Variants in ZCCHC24 observed in about 807,000 individuals in gnomAD.
ZCCHC24 encodes zinc finger CCHC domain-containing protein 24.
Under a neutral mutation model 26.2 loss-of-function variants are expected in ZCCHC24, and 10 were observed. That is an observed-to-expected ratio of 0.38 (90% CI 0.24 to 0.65). ZCCHC24 has a LOEUF of 0.65. ZCCHC24 is among the 30% of genes least tolerant of loss of function. The pLI is 0.54. For missense variants in ZCCHC24, 243 were observed against 329.1 expected (o/e 0.74, Z 2.03); for synonymous variants, 144 against 147.1 (o/e 0.98, Z 0.15).
At chr10:79,389,839 C>T (rs1224664787) in intron 3 of ZCCHC24, among the ~76,000 whole-genome samples, 1 of 152,052 alleles carries the variant, frequency 6.6e-6, no homozygotes, top group African/African-American at 2.4e-5. Flanking sequence ...TGGTCTTGAG[C>T]TCCTGACCTC....
intron 1 of ZCCHC24, among the ~76,000 whole-genome samples, chr10:79,441,312 A>C (rs1857289283): frequency 6.6e-6 from 1 of 152,044 alleles, no homozygotes. Flanking sequence ...TTAAAGGAGG[A>C]CACTGTATGT....
chr10:79,412,205 GC>G (rs1330924620), intron 2 of ZCCHC24, among the ~76,000 whole-genome samples: 8 of 152,246 alleles, frequency 5.3e-5, no homozygotes, highest in Non-Finnish European at 1.0e-4. Context: ...GGCATGACCT[GC>G]CAACTCCGTT....
intron 2 of ZCCHC24, among the ~76,000 whole-genome samples, chr10:79,418,138 C>T (rs1589670577): frequency 6.6e-6 from 1 of 152,228 alleles, no homozygotes; most frequent in East Asian, 1.9e-4. Flanking sequence ...TAAACACCCT[C>T]GCTCGCACAC....
intron 1 of ZCCHC24, among the ~76,000 whole-genome samples, chr10:79,442,146 G>A (rs771244267): frequency 5.9e-5 from 9 of 152,164 alleles, no homozygotes; most frequent in African/African-American, 1.7e-4. Context: ...AAAATGTATC[G>A]TTGTTGCCGT....
intron 2 of ZCCHC24, among the ~76,000 whole-genome samples, chr10:79,417,065 A>G (rs753811063): frequency 1.3e-5 from 2 of 152,228 alleles, no homozygotes; most frequent in Non-Finnish European, 2.9e-5. Flanking sequence ...TGCTGCGCTA[A>G]GTGATTTTCT....
chr10:79,386,358 C>T lies in ZCCHC24; in HGVS notation c.713G>A (p.Arg238His), dbSNP rs1451320763. 2.5e-6 allele frequency: 4 copies of T among 1,613,226 alleles called. No individual in the cohort carries two copies. Among genetic ancestry groups the T allele is most frequent in the Non-Finnish European group, 2.5e-6 (3 of 1,179,834 alleles). ...GCGGGCAGCCCGTCACTGCACGCGACGGCAGTAGTAGCCCAGGACCTTGCA... is the reference window on the plus strand; with the variant it reads ...GCGGGCAGCCCGTCACTGCACGCGATGGCAGTAGTAGCCCAGGACCTTGCA... Reference protein sequence around the residue: ...EKCKVLGYYCRRVQ With the variant: ...EKCKVLGYYCHRVQ The change falls in exon 4 of 4, where the codon CGT (arginine) becomes CAT (histidine). Residue 238 changes from arginine (R) to histidine (H), a missense_variant. Arg to His is a conservative substitution (Grantham distance 29, BLOSUM62 0). Around this residue, in one of 2 missense-constraint regions of ZCCHC24, gnomAD observed 96 missense variants for 178.3 expected, o/e 0.54. Transcript: ENST00000372336.
intron 1 of ZCCHC24, chr10:79,444,131 C>A: frequency 6.5e-7 from 1 of 1,546,030 alleles, no homozygotes; most frequent in Non-Finnish European, 8.7e-7. Flanking sequence ...AGGAAAGTGA[C>A]CCCCATGTGT....
Position 79,417,275 on chromosome 10 carries a change from G to C in ZCCHC24, c.447+15283C>G, listed in dbSNP as rs532890107. Reference sequence around the variant, plus strand: ...GCAGAGGAGCATGGGCCCCTGTTGGGTTTTACCCCTTGTCATCATGCCTAC... The same window carrying C: ...GCAGAGGAGCATGGGCCCCTGTTGGCTTTTACCCCTTGTCATCATGCCTAC... On this transcript the variant is annotated intron_variant, in intron 2 of 3. Transcript: ENST00000372336. Among the ~76,000 whole-genome samples the C allele has an allele frequency of 5.8e-5, 6 of 104,056 alleles. 3 individuals carry two copies. In the East Asian group the frequency reaches 1.5e-3, roughly 26 times the overall value. The allele number at this position is 104,056 out of a possible 152,430, so 68.3% of individuals were successfully genotyped here.
At chr10:79,430,686 C>CCACACACACACA (rs71030975) in intron 2 of ZCCHC24, among the ~76,000 whole-genome samples, 14 of 140,616 alleles carry the variant, frequency 1.0e-4, no homozygotes, top group South Asian at 2.4e-4. Flanking sequence ...CACACACACA[C>CCACACACACACA]CACACACACA....
At chr10:79,426,687 GA>G (rs1237217502) in intron 2 of ZCCHC24, among the ~76,000 whole-genome samples, 2 of 151,480 alleles carry the variant, frequency 1.3e-5, no homozygotes, top group African/African-American at 2.4e-5. Flanking sequence ...AAAACATAGT[GA>G]AAAAAAATCA....
At chr10:79,444,524 TTTCCTTCG>T (rs1857334396) in intron 1 of ZCCHC24, among the ~76,000 whole-genome samples, 1 of 150,864 alleles carries the variant, frequency 6.6e-6, no homozygotes, top group African/African-American at 2.4e-5. Context: ...TTCCCTTTCA[TTTCCTTCG>T]AGGCTGGGAG....
intron 2 of ZCCHC24, among the ~76,000 whole-genome samples, chr10:79,396,088 T>C (rs1488922270): frequency 6.6e-6 from 1 of 152,084 alleles, no homozygotes; most frequent in East Asian, 1.9e-4. Flanking sequence ...AGGTATTTAA[T>C]ATAAGTAGAA....
chr10:79,400,489 G>A (rs1483389131), intron 2 of ZCCHC24, among the ~76,000 whole-genome samples: 1 of 152,238 alleles, frequency 6.6e-6, no homozygotes, highest in African/African-American at 2.4e-5. Flanking sequence ...ACAAGAACAG[G>A]ACTGGCAGGA....
intron 2 of ZCCHC24, among the ~76,000 whole-genome samples, chr10:79,425,241 T>C (rs1311704693): frequency 6.6e-6 from 1 of 152,204 alleles, no homozygotes; most frequent in Admixed American, 6.5e-5. Flanking sequence ...CAGGCGACCC[T>C]GCAGGCAGGC....
chr10:79,403,509 C>T, intron 2 of ZCCHC24: 1 of 985,454 alleles, frequency 1.0e-6, no homozygotes. Flanking sequence ...CACGGAGGCC[C>T]CGGAGGAAGC....
intron 2 of ZCCHC24, among the ~76,000 whole-genome samples, chr10:79,404,695 C>T (rs559714781): frequency 6.6e-5 from 10 of 152,304 alleles, no homozygotes; most frequent in Admixed American, 1.3e-4. Context: ...CTGCAGTCAC[C>T]GCCTGAGTTG....
At chr10:79,413,282 AC>A (rs1856815406) in intron 2 of ZCCHC24, among the ~76,000 whole-genome samples, 1 of 152,164 alleles carries the variant, frequency 6.6e-6, no homozygotes, top group African/African-American at 2.4e-5. Flanking sequence ...AGGTGGAGAG[AC>A]TTTTTCAAGG....
chr10:79,394,370 G>A lies in ZCCHC24; in HGVS notation c.518C>T (p.Pro173Leu), dbSNP rs190920051. 23 of 1,614,200 alleles carry A rather than the reference G, an allele frequency of 1.4e-5. No homozygotes were observed. In the East Asian group the frequency reaches 5.1e-4, roughly 36 times the overall value. Reference protein sequence around the residue: ...KKRCFGEYKCPKCKRKWMSGN... With the variant: ...KKRCFGEYKCLKCKRKWMSGN... ...GCTCATCCATTTTCTCTTGCACTTGGGACACTTGTACTCGCCGAAGCAGCG... is the reference window on the plus strand; with the variant it reads ...GCTCATCCATTTTCTCTTGCACTTGAGACACTTGTACTCGCCGAAGCAGCG... The change falls in exon 3 of 4, where the codon CCC becomes CTC. Residue 173 changes from proline (P) to leucine (L), a missense_variant. Around this residue, in one of 2 missense-constraint regions of ZCCHC24, gnomAD observed 96 missense variants for 178.3 expected, o/e 0.54. Coordinates refer to ENST00000372336, the MANE Select transcript of ZCCHC24 (RefSeq NM_153367.4).
At chr10:79,419,246 T>C (rs969213605) in intron 2 of ZCCHC24, among the ~76,000 whole-genome samples, 5 of 152,156 alleles carry the variant, frequency 3.3e-5, no homozygotes, top group Admixed American at 1.3e-4. Flanking sequence ...GCCTAACAAG[T>C]GATACCAACA....
Sources: gnomAD v4.1 joint callset for allele counts (sites outside exome capture counted in the v4.1 genomes callset) on GRCh38, gnomAD v4.1.1 for gene constraint, gnomAD v4.1.1 regional missense constraint, MANE v1.5 for transcripts, NCBI Gene and HGNC (gene_info 2026-07-23, HGNC 2026-07-21) for gene names.